Variants in RBFOX1 observed in about 807,000 individuals in gnomAD.
RBFOX1 encodes the protein RNA binding protein fox-1 homolog 1.
Under a neutral mutation model 57.7 loss-of-function variants are expected in RBFOX1, and 8 were observed. The ratio of observed to expected loss-of-function variants is 0.14; its 90% CI spans 0.08 to 0.25. The LOEUF (loss-of-function observed/expected upper bound fraction) is 0.25, where lower values mean the gene tolerates loss of function less well. Among genes scored for constraint, RBFOX1 ranks in the 10% least tolerant of loss-of-function variants. The pLI is 1.00. For synonymous variants in RBFOX1, 326 were observed against 222.4 expected (o/e 1.47, Z -4.15); for missense variants, 611 against 548.5 (o/e 1.11, Z -1.14).
At chr16:6,355,295 C>A (rs565947827) in intron 2 of RBFOX1, among the ~76,000 whole-genome samples, 9 of 152,020 alleles carry the variant, frequency 5.9e-5, no homozygotes, top group Non-Finnish European at 1.3e-4. Context: ...GCCCCCCAGC[C>A]CCTAACAGGC....
chr16:6,492,650 C>T (rs570739920), intron 2 of RBFOX1, among the ~76,000 whole-genome samples: 4 of 152,162 alleles, frequency 2.6e-5, no homozygotes, highest in African/African-American at 7.2e-5. Context: ...TCTGTGTGAT[C>T]GCTGAAGTTT....
intron 4 of RBFOX1, among the ~76,000 whole-genome samples, chr16:7,475,377 C>T (rs982406592): frequency 2.0e-5 from 3 of 149,834 alleles, no homozygotes; most frequent in Admixed American, 1.3e-4. Context: ...TGCAGTGGCG[C>T]GATCTCGGCT....
intron 2 of RBFOX1, among the ~76,000 whole-genome samples, chr16:6,351,458 C>G (rs781390117): frequency 3.4e-5 from 5 of 148,800 alleles, no homozygotes; most frequent in African/African-American, 9.9e-5. Context: ...ACTGCAACCT[C>G]TATCTCCCAG....
chr16:7,202,749 T>C (rs2088910317), intron 4 of RBFOX1, among the ~76,000 whole-genome samples: 1 of 152,174 alleles, frequency 6.6e-6, no homozygotes, highest in Non-Finnish European at 1.5e-5. Flanking sequence ...GAGAATCTAA[T>C]GCCTGATGAT....
intron 1 of RBFOX1, among the ~76,000 whole-genome samples, chr16:6,261,888 G>T (rs1346973133): frequency 6.6e-6 from 1 of 150,728 alleles, no homozygotes; most frequent in African/African-American, 2.5e-5. Flanking sequence ...AACCTAGCTG[G>T]GCATGGTGGC....
At chr16:6,973,623 C>G (rs1379829657) in intron 3 of RBFOX1, among the ~76,000 whole-genome samples, 1 of 151,946 alleles carries the variant, frequency 6.6e-6, no homozygotes, top group Admixed American at 6.6e-5. Flanking sequence ...TGACAGTTAT[C>G]AAAGAAACAT....
intron 3 of RBFOX1, among the ~76,000 whole-genome samples, chr16:6,866,950 T>A (rs538049747): frequency 6.6e-6 from 1 of 151,810 alleles, no homozygotes; most frequent in African/African-American, 2.4e-5. Flanking sequence ...CATGACAATA[T>A]CTAAAGGTCA....
At chr16:5,527,159 C>T (rs1379339988) in intron 2 of RBFOX1, among the ~76,000 whole-genome samples, 1 of 152,182 alleles carries the variant, frequency 6.6e-6, no homozygotes, top group South Asian at 2.1e-4. Flanking sequence ...TGAGGCTTGG[C>T]GAGATTGAGT....
intron 4 of RBFOX1, among the ~76,000 whole-genome samples, chr16:7,199,568 G>A (rs1040853622): frequency 6.6e-6 from 1 of 152,138 alleles, no homozygotes; most frequent in African/African-American, 2.4e-5. Flanking sequence ...CACAGAATCA[G>A]CCAATAATCT....
intron 2 of RBFOX1, among the ~76,000 whole-genome samples, chr16:5,563,047 T>G (rs1279926454): frequency 6.6e-6 from 1 of 152,166 alleles, no homozygotes; most frequent in Non-Finnish European, 1.5e-5. Flanking sequence ...CCTCCCAGGT[T>G]CAAGTGATTG....
intron 3 of RBFOX1, among the ~76,000 whole-genome samples, chr16:6,981,532 C>G (rs141452851): frequency 2.6e-5 from 4 of 152,192 alleles, no homozygotes; most frequent in Non-Finnish European, 4.4e-5. Flanking sequence ...GTACCTGAGA[C>G]TGGGTAATTT....
At position 5,385,302 on chromosome 16, in the gene RBFOX1, G is replaced by A. The variant is rs373976453; in HGVS notation, c.220-81914G>A. Among the ~76,000 whole-genome samples the A allele has an allele frequency of 7.2e-5, 11 of 152,280 alleles. No individual in the cohort carries two copies. In the East Asian group the frequency reaches 1.5e-3, roughly 21 times the overall value. Reference sequence around the variant, plus strand: ...CTAGGCTGCACTGATTACTTTTTCTGCAGGACTTCTCAGAGCCTTTACTAT... The same window carrying A: ...CTAGGCTGCACTGATTACTTTTTCTACAGGACTTCTCAGAGCCTTTACTAT... On this transcript the variant is annotated intron_variant, in intron 1 of 2. Transcript: ENST00000585867.
intron 3 of RBFOX1, among the ~76,000 whole-genome samples, chr16:5,833,880 A>T (rs1417872203): frequency 3.3e-5 from 5 of 152,222 alleles, no homozygotes; most frequent in African/African-American, 1.2e-4. Flanking sequence ...GCAATAAAGA[A>T]TTCGTGCATA....
rs3041577 is a variant in RBFOX1, at chr16:5,909,090, C to CTTTTTTTTTT, written c.351+41766_351+41775dup. On this transcript the variant is annotated intron_variant, in intron 4 of 19. Transcript: ENST00000641259. ...ATCGGCTCCAACAGACTAAGCCCCC[C>CTTTTTTTTTT]TTTTTTTTTTTTTTTTTTTTGAGAC... Among the ~76,000 whole-genome samples the CTTTTTTTTTT allele has an allele frequency of 1.2e-4, 14 of 116,384 alleles. 2 individuals carry two copies. The South Asian group carries it at 1.5e-3, about 12-fold the overall frequency. 76.4% of individuals were successfully genotyped at this position (116,384 alleles called of 152,430 possible).
At chr16:6,925,000 G>C (rs1023841207) in intron 3 of RBFOX1, among the ~76,000 whole-genome samples, 6 of 149,608 alleles carry the variant, frequency 4.0e-5, no homozygotes, top group East Asian at 2.0e-4. Flanking sequence ...ATCCATGTCC[G>C]TACAAAGGAC....
At chr16:7,172,416 C>G (rs576008812) in intron 4 of RBFOX1, among the ~76,000 whole-genome samples, 1 of 152,040 alleles carries the variant, frequency 6.6e-6, no homozygotes, top group Non-Finnish European at 1.5e-5. Flanking sequence ...ATTGTTATTC[C>G]CACCATGGCA....
chr16:5,380,924 C>T (rs535330798), intron 1 of RBFOX1, among the ~76,000 whole-genome samples: 1 of 152,346 alleles, frequency 6.6e-6, no homozygotes, highest in South Asian at 2.1e-4. Flanking sequence ...TTTGTGATGT[C>T]ACCTTTTTAT....
intron 1 of RBFOX1, among the ~76,000 whole-genome samples, chr16:5,440,335 T>C (rs1163019389): frequency 1.3e-5 from 2 of 152,190 alleles, no homozygotes; most frequent in African/African-American, 4.8e-5. Context: ...CAACTTTGAC[T>C]AGAAAGAATT....
chr16:6,040,748 C>T (rs1011944519), intron 1 of RBFOX1, among the ~76,000 whole-genome samples: 9 of 152,094 alleles, frequency 5.9e-5, no homozygotes, highest in Admixed American at 1.3e-4. Flanking sequence ...GCACCCACCA[C>T]CATGCCTGGC....
Sources: gnomAD v4.1 joint callset for allele counts (sites outside exome capture counted in the v4.1 genomes callset) on GRCh38, gnomAD v4.1.1 for gene constraint, MANE v1.5 for transcripts, NCBI Gene and HGNC (gene_info 2026-07-23, HGNC 2026-07-21) for gene names.